The following BEST1 variants were observed in gnomAD, a reference collection of about 807,000 sequenced individuals.
BEST1 encodes the protein bestrophin-1.
BEST1 carries 58 observed loss-of-function variants against 63.3 expected under a neutral mutation model. The ratio of observed to expected loss-of-function variants is 0.92; its 90% CI spans 0.74 to 1.14. The LOEUF is 1.14. BEST1 is among the 50% of genes most tolerant of loss of function. BEST1 has a pLI of 0.00. For missense variants in BEST1, 671 were observed against 740.1 expected (o/e 0.91, Z 1.08); for synonymous variants, 283 against 291.6 (o/e 0.97, Z 0.30).
chr11:61,950,592 G>T (rs1489061281), intron 1 of BEST1, among the ~76,000 whole-genome samples, 165 bp downstream of exon 1: 1 of 152,196 alleles, frequency 6.6e-6, no homozygotes, highest in Non-Finnish European at 1.5e-5. Flanking sequence ...GAATGAGCTT[G>T]GTGTGCATCA....
At chr11:61,954,966 C>T in intron 2 of BEST1, 141 bp from the exon 3 acceptor site, 1 of 1,506,192 alleles carries the variant, frequency 6.6e-7, no homozygotes, top group Non-Finnish European at 8.9e-7. Context: ...GCTCAGGCCT[C>T]AGGAGGGGCC....
At chr11:61,963,409 G>A (rs1017273860) in intron 10 of BEST1, 84 of 1,205,032 alleles carry the variant, frequency 7.0e-5, no homozygotes, top group Middle Eastern at 3.4e-4. Flanking sequence ...GGTGTCCAGC[G>A]CCCTTAGGTC....
rs544312257 is a variant in BEST1, at chr11:61,954,891, G to A, written c.153-216G>A. On this transcript the variant is annotated intron_variant, in intron 2 of 10. Transcript: ENST00000378043. ...GCCAGTGTGAGGATTCTCCCCACAA[G>A]AAACCACTGGAGGGGGCCTCCTCCT... is the stretch of plus-strand genomic sequence containing the variant. 7.1e-6 allele frequency: 7 copies of A among 985,416 alleles called. No individual in the cohort carries two copies. In the African/African-American group the frequency reaches 1.0e-4, roughly 15 times the overall value. 61.0% of individuals were successfully genotyped at this position (985,416 alleles called of 1,614,324 possible).
rs1942370841 is a variant in BEST1 at position 61,964,228 on chromosome 11, T to C, written c.*106T>C. On this transcript the variant is annotated 3_prime_UTR_variant, in exon 11 of 11. Coordinates refer to ENST00000378043, the MANE Select transcript of BEST1 (RefSeq NM_004183.4). ...ATACAGCTGTCCACACTGAAGAACA[T>C]GTCCTACAACAGCCTGAATCAAATG... 6.3e-7 allele frequency: 1 copy of C among 1,588,520 alleles called. No homozygotes were observed.
intron 7 of BEST1, chr11:61,959,268 G>C (rs1941774993): frequency 1.7e-6 from 1 of 594,980 alleles, no homozygotes; most frequent in South Asian, 1.9e-5. Context: ...AGGGACAGCT[G>C]TGGGTGTTCA....
At chr11:61,958,747 A>T (rs1271350304) in intron 7 of BEST1, 1 of 361,810 alleles carries the variant, frequency 2.8e-6, no homozygotes, top group Admixed American at 4.1e-5. Flanking sequence ...TGAATCACAC[A>T]GTTTTCTCTC....
At chr11:61,960,247 G>C in intron 9 of BEST1, 1 of 725,874 alleles carries the variant, frequency 1.4e-6, no homozygotes. Context: ...TTAAAGTACA[G>C]GTTCAGAGAG....
At chr11:61,963,556 C>G in intron 10 of BEST1, 1 of 1,029,414 alleles carries the variant, frequency 9.7e-7, no homozygotes, top group Non-Finnish European at 1.2e-6. Flanking sequence ...CACCCCACTT[C>G]AGCCCCAATC....
chr11:61,959,973 C>T lies in BEST1; in HGVS notation c.1030C>T (p.Gln344Ter), dbSNP rs1591303900. The T allele has an allele frequency of 6.2e-7, 1 of 1,612,692 alleles. No homozygotes were observed. The change falls in exon 9 of 11, where the codon CAG (glutamine) becomes TAG (stop). Residue 344 changes from glutamine (Q) to a stop codon, truncating the protein, a stop_gained. Coordinates refer to ENST00000378043, the MANE Select transcript of BEST1 (RefSeq NM_004183.4). LOFTEE classifies it high-confidence loss of function. ...PDMYWNKPEP[Q>*]PPYTAASAQF... The stretch of plus-strand genomic sequence containing the variant: ...CATGTACTGGAATAAGCCCGAGCCA[C>T]AGCCCCCCTACACAGCTGCTTCCGC...
chr11:61,951,946 G>C lies in BEST1; in HGVS notation c.140G>C (p.Arg47Pro), dbSNP rs28940278. The stretch of plus-strand genomic sequence containing the variant: ...TTCCTGCTCTGCTACTACATCATCC[G>C]CTTTATTTATAGGTAAAGCTGGCAG... ...LIFLLCYYIIRFIYRLALTEE... is the reference protein window; with the variant it reads ...LIFLLCYYIIPFIYRLALTEE... The change falls in exon 2 of 11, where the codon CGC becomes CCC. Residue 47 changes from arginine (R) to proline (P), a missense_variant. Transcript: ENST00000378043. The C allele has an allele frequency of 6.2e-7, 1 of 1,613,618 alleles. No individual in the cohort carries two copies. Among genetic ancestry groups the C allele is most frequent in the Non-Finnish European group, 8.5e-7 (1 of 1,179,916 alleles).
chr11:61,956,293 T>C (rs892316874), intron 4 of BEST1, among the ~76,000 whole-genome samples: 1 of 152,062 alleles, frequency 6.6e-6, no homozygotes, highest in Non-Finnish European at 1.5e-5. Context: ...CGGTTTCCAC[T>C]CTGGAGGTAT....
rs2134409027 is a variant in BEST1 at position 61,951,812 on chromosome 11, C to T, written c.6C>T (p.Thr2=). 1 of 1,612,576 alleles carries T rather than the reference C, an allele frequency of 6.2e-7. No homozygotes were observed. The highest frequency in any genetic ancestry group is 8.5e-7 in the Non-Finnish European group (1 of 1,180,024). Residue 2 remains threonine, a synonymous_variant, in exon 2 of 11, where the codon ACC becomes ACT. Transcript: ENST00000378043. M[T]ITYTSQVANA... is the part of the protein sequence containing the mutation. ...CTGCAGCCCACTGCCTGGCCATGAC[C>T]ATCACTTACACAAGCCAAGTGGCTA...
At chr11:61,963,013 T>G in intron 10 of BEST1, 120 bp downstream of exon 10, 4 of 1,587,682 alleles carry the variant, frequency 2.5e-6, no homozygotes, top group Non-Finnish European at 2.6e-6. Flanking sequence ...CAGAGCACAC[T>G]GGACCTACGC....
At chr11:61,962,084 G>T in intron 9 of BEST1, 171 bp from the exon 10 acceptor site, 1 of 666,826 alleles carries the variant, frequency 1.5e-6, no homozygotes, top group East Asian at 2.7e-5. Context: ...AGGGATCACC[G>T]GGAGGTACAG....
In BEST1 at chr11:61,951,944, C is replaced by T; in HGVS notation, c.138C>T (p.Ile46=). ...FLIFLLCYYI[I]RFIYRLALTE... is the part of the protein sequence containing the mutation. ...TCTTCCTGCTCTGCTACTACATCAT[C>T]CGCTTTATTTATAGGTAAAGCTGGC... Residue 46 remains isoleucine (I), a synonymous_variant, in exon 2 of 11, where the codon ATC becomes ATT. Transcript: ENST00000378043. 4 of 1,613,830 alleles carry T rather than the reference C, an allele frequency of 2.5e-6. No homozygotes were observed. Among genetic ancestry groups the T allele is most frequent in the Non-Finnish European group, 3.4e-6 (4 of 1,179,952 alleles).
At chr11:61,959,398 C>A in intron 7 of BEST1, 100 bp from the exon 8 acceptor site, 1 of 1,145,608 alleles carries the variant, frequency 8.7e-7, no homozygotes, top group Non-Finnish European at 1.3e-6. Flanking sequence ...GCAGGAAGGG[C>A]GTCATGGGGT....
At chr11:61,959,061 C>T (rs1591299525) in intron 7 of BEST1, 2 of 286,906 alleles carry the variant, frequency 7.0e-6, no homozygotes, top group Non-Finnish European at 1.4e-5. Context: ...ACCCCTAAGG[C>T]AGACGCGTGT....
At position 61,959,948 on chromosome 11, in the gene BEST1, C is replaced by T. The variant is rs1300578721; in HGVS notation, c.1005C>T (p.Asp335=). 6.2e-7 allele frequency: 1 copy of T among 1,613,240 alleles called. No individual in the cohort carries two copies. Among genetic ancestry groups the T allele is most frequent in the South Asian group, 1.1e-5 (1 of 90,790 alleles). The change falls in exon 9 of 11, where the codon GAC becomes GAT. Residue 335 remains aspartate (D), a synonymous_variant. Coordinates refer to ENST00000378043, the MANE Select transcript of BEST1 (RefSeq NM_004183.4). ...MHQDLPRMEP[D]MYWNKPEPQP... is the part of the protein sequence containing the mutation. The stretch of plus-strand genomic sequence containing the variant: ...AGGACCTGCCTCGGATGGAGCCGGA[C>T]ATGTACTGGAATAAGCCCGAGCCAC...
At chr11:61,965,214 G>A, downstream of BEST1, 4 of 1,592,068 alleles carry the variant, frequency 2.5e-6, no homozygotes, top group Non-Finnish European at 2.6e-6. Context: ...ATTACTATTT[G>A]CCTAATTTAG....
Sources: allele counts gnomAD v4.1 joint callset (sites outside exome capture counted in the v4.1 genomes callset), GRCh38; gene constraint gnomAD v4.1.1; transcripts MANE v1.5; gene names NCBI Gene and HGNC (gene_info 2026-07-23, HGNC 2026-07-21).